Variants in MIPEP observed in about 807,000 individuals in gnomAD.
The protein encoded by MIPEP is mitochondrial intermediate peptidase.
In MIPEP, 79 loss-of-function variants were observed where a neutral mutation model predicts 90.3. The ratio of observed to expected loss-of-function variants is 0.87; its 90% confidence interval spans 0.73 to 1.05. The LOEUF is 1.05. Ranked by LOEUF, MIPEP falls within the 50% of genes least tolerant of loss-of-function variation. The probability of loss-of-function intolerance (pLI) is 0.00; values close to 1 mark genes in which losing one functional copy is unlikely to be tolerated. For missense variants in MIPEP, 940 were observed against 905.6 expected, an observed-to-expected ratio of 1.04 and a Z score of -0.49; for synonymous variants, 334 against 315.8, an observed-to-expected ratio of 1.06 and a Z score of -0.61.
At chr13:23,793,366 AAAC>A (rs1269434760) in intron 16 of MIPEP, among the ~76,000 whole-genome samples, 1 of 152,214 alleles carries the variant, frequency 6.6e-6, no homozygotes, top group Non-Finnish European at 1.5e-5. Flanking sequence ...ATGAAGGTCA[AAAC>A]AGGCAAAACT....
At chr13:23,851,052 C>T (rs1201637753) in intron 10 of MIPEP, among the ~76,000 whole-genome samples, 1 of 152,178 alleles carries the variant, frequency 6.6e-6, no homozygotes, top group African/African-American at 2.4e-5. Context: ...ATTTGCTTTG[C>T]CTAAGGAGCT....
At chr13:23,836,370 A>T (rs1869048155) in intron 13 of MIPEP, 21 bp from the exon 14 acceptor site, 1 of 1,471,790 alleles carries the variant, frequency 6.8e-7, no homozygotes, top group African/African-American at 1.4e-5. Flanking sequence ...AAAAAAAAAA[A>T]AGTTGGCATG....
At chr13:23,884,063 AT>A (rs1871369560) in intron 2 of MIPEP, among the ~76,000 whole-genome samples, 1 of 152,158 alleles carries the variant, frequency 6.6e-6, no homozygotes, top group Non-Finnish European at 1.5e-5. Context: ...GTGGAAGGAA[AT>A]TTTCCAAAAA....
chr13:23,782,976 C>T (rs1952796509), intron 16 of MIPEP, among the ~76,000 whole-genome samples: 1 of 152,068 alleles, frequency 6.6e-6, no homozygotes, highest in African/African-American at 2.4e-5. Context: ...AGCCTACCAA[C>T]CAAAAAAAAT....
chr13:23,741,912 T>G (rs1204813432), intron 18 of MIPEP, among the ~76,000 whole-genome samples: 1 of 152,170 alleles, frequency 6.6e-6, no homozygotes, highest in South Asian at 2.1e-4. Flanking sequence ...TTAATTAAGT[T>G]CCATTAGCCA....
intron 18 of MIPEP, among the ~76,000 whole-genome samples, chr13:23,738,369 G>A (rs1287471000): frequency 6.6e-6 from 1 of 151,402 alleles, no homozygotes; most frequent in Non-Finnish European, 1.5e-5. Flanking sequence ...TGTGGCCCAA[G>A]ACAATTCTTC....
intron 16 of MIPEP, among the ~76,000 whole-genome samples, chr13:23,781,724 G>GACACACATAGACTCAAAAT (rs1235489334): frequency 6.6e-6 from 1 of 152,140 alleles, no homozygotes; most frequent in African/African-American, 2.4e-5. Context: ...CATGTGCAGA[G>GACACACATAGACTCAAAAT]ACACACATAG....
intron 6 of MIPEP, 137 bp downstream of exon 6, chr13:23,869,876 C>T: frequency 1.9e-6 from 1 of 529,782 alleles, no homozygotes; most frequent in Non-Finnish European, 3.2e-6. Flanking sequence ...ATTAATAATT[C>T]CACAAGTTAA....
intron 14 of MIPEP, among the ~76,000 whole-genome samples, chr13:23,833,349 G>A (rs746489047): frequency 6.6e-6 from 1 of 152,196 alleles, no homozygotes; most frequent in Non-Finnish European, 1.5e-5. Flanking sequence ...CTTTGGGCAC[G>A]CTTTCCATTC....
At chr13:23,852,157 G>T (rs1869824695) in intron 10 of MIPEP, among the ~76,000 whole-genome samples, 2 of 152,174 alleles carry the variant, frequency 1.3e-5, no homozygotes, top group Non-Finnish European at 2.9e-5. Context: ...GTAAGAGACA[G>T]GAGACAGAAA....
intron 14 of MIPEP, among the ~76,000 whole-genome samples, chr13:23,824,270 T>C (rs1953341606): frequency 6.6e-6 from 1 of 152,258 alleles, no homozygotes; most frequent in Non-Finnish European, 1.5e-5. Flanking sequence ...ATTAAAAGTT[T>C]GGTATCAAAT....
In MIPEP at chr13:23,818,673, T is replaced by G. The variant is rs186596372; in HGVS notation, c.1654-8749A>C. ...CACATTTGCCTTATTTGAACAAGGT[T>G]TGAACAGCCTGTGATTGGCTGAAAC... On this transcript the variant is annotated intron_variant, in intron 14 of 18. Coordinates refer to ENST00000382172, the MANE Select transcript of MIPEP (RefSeq NM_005932.4). Among the ~76,000 whole-genome samples, 304 of 152,312 alleles carry G rather than the reference T, an allele frequency of 2.0e-3. 1 individual carries two copies. The highest frequency in any genetic ancestry group is 3.5e-3 in the Non-Finnish European group (236 of 68,022).
At chr13:23,765,275 C>T (rs1330210273) in intron 16 of MIPEP, among the ~76,000 whole-genome samples, 1 of 152,174 alleles carries the variant, frequency 6.6e-6, no homozygotes, top group African/African-American at 2.4e-5. Context: ...GAAAAGGTAA[C>T]AGCAGCTTTC....
chr13:23,771,167 C>A (rs1952646311), intron 16 of MIPEP, among the ~76,000 whole-genome samples: 1 of 152,210 alleles, frequency 6.6e-6, no homozygotes, highest in Non-Finnish European at 1.5e-5. Flanking sequence ...ATCCCACAAC[C>A]ACCCTGACCG....
At chr13:23,884,226 G>A (rs369702802) in intron 2 of MIPEP, among the ~76,000 whole-genome samples, 1 of 149,860 alleles carries the variant, frequency 6.7e-6, no homozygotes, top group African/African-American at 2.5e-5. Flanking sequence ...GGGGAGGGGG[G>A]GGTGTGACTA....
At chr13:23,821,018 C>A (rs1216987003) in intron 14 of MIPEP, among the ~76,000 whole-genome samples, 1 of 152,206 alleles carries the variant, frequency 6.6e-6, no homozygotes, top group Non-Finnish European at 1.5e-5. Flanking sequence ...CAACTGCAAG[C>A]TCCACATTTC....
At chr13:23,838,184 C>T (rs1869139371) in intron 12 of MIPEP, among the ~76,000 whole-genome samples, 3 of 151,962 alleles carry the variant, frequency 2.0e-5, no homozygotes, top group South Asian at 4.1e-4. Context: ...TGCTCTGTTG[C>T]CCAGGCTGGA....
intron 14 of MIPEP, among the ~76,000 whole-genome samples, chr13:23,811,552 A>G (rs1319580201): frequency 6.6e-6 from 1 of 152,164 alleles, no homozygotes; most frequent in Admixed American, 6.5e-5. Context: ...AGATACACTT[A>G]AACAATCACC....
chr13:23,845,759 C>T (rs944794699), intron 10 of MIPEP, among the ~76,000 whole-genome samples: 9 of 152,212 alleles, frequency 5.9e-5, no homozygotes, highest in African/African-American at 2.2e-4. Flanking sequence ...CTAGTGCTCT[C>T]ACTCTCGCCA....
Sources: allele counts gnomAD v4.1 joint callset (sites outside exome capture counted in the v4.1 genomes callset), GRCh38; gene constraint gnomAD v4.1.1; transcripts MANE v1.5; gene names NCBI Gene and HGNC (gene_info 2026-07-23, HGNC 2026-07-21).